The following SYNE1 variants were observed in gnomAD, a reference collection of about 807,000 sequenced individuals.
SYNE1 encodes nesprin-1.
Under a neutral mutation model 1,111.0 loss-of-function variants are expected in SYNE1, and 616 were observed. That is an observed-to-expected ratio of 0.55 (90% CI 0.52 to 0.59). SYNE1 has a LOEUF of 0.59. SYNE1 is among the 20% of genes least tolerant of loss of function. The probability of loss-of-function intolerance (pLI) is 0.00; values close to 1 mark genes in which losing one functional copy is unlikely to be tolerated. For synonymous variants in SYNE1, 3,855 were observed against 3,825.8 expected, an observed-to-expected ratio of 1.01 and a Z score of -0.28; for missense variants, 10,006 against 10,417.0, an observed-to-expected ratio of 0.96 and a Z score of 1.72.
intron 140 of SYNE1, 108 bp downstream of exon 140, chr6:152,139,842 C>A: frequency 8.3e-7 from 1 of 1,208,060 alleles, no homozygotes; most frequent in South Asian, 1.3e-5. Context: ...TGTTAGATCC[C>A]TTTTCTGCTG....
intron 128 of SYNE1, among the ~76,000 whole-genome samples, chr6:152,188,427 ACG>A: frequency 6.6e-6 from 1 of 152,234 alleles, no homozygotes; most frequent in East Asian, 1.9e-4. Context: ...TTTTTTTAAA[ACG>A]TTGTGCACAT....
intron 4 of SYNE1, among the ~76,000 whole-genome samples, chr6:152,526,550 G>T (rs934787735): frequency 2.0e-5 from 3 of 152,214 alleles, no homozygotes; most frequent in Admixed American, 1.3e-4. Flanking sequence ...AGCAGAGCAA[G>T]AGCTGCATGG....
At chr6:152,475,433 A>G (rs2098829379) in intron 14 of SYNE1, among the ~76,000 whole-genome samples, 1 of 152,238 alleles carries the variant, frequency 6.6e-6, no homozygotes, top group African/African-American at 2.4e-5. Flanking sequence ...GCCAAATTTT[A>G]TAATAAAATG....
intron 145 of SYNE1, among the ~76,000 whole-genome samples, chr6:152,123,076 T>C (rs1585330632): frequency 6.6e-6 from 1 of 152,320 alleles, no homozygotes; most frequent in African/African-American, 2.4e-5. Context: ...ATCATGAACA[T>C]TGTTAAGCAA....
chr6:152,590,955 G>A (rs1438164782), intron 3 of SYNE1, among the ~76,000 whole-genome samples: 1 of 152,140 alleles, frequency 6.6e-6, no homozygotes, highest in Non-Finnish European at 1.5e-5. Flanking sequence ...GAATAGCATT[G>A]AATCTCTCAA....
rs139592390 is a variant in SYNE1, at chr6:152,577,692, T to C, written c.68-37671A>G. 7.2e-5 allele frequency among the ~76,000 whole-genome samples: 11 copies of C among 152,090 alleles called. No homozygotes were observed. The East Asian group carries it at 2.1e-3, about 29-fold the overall frequency. ...TGAAAATGCTTCTAAACTCTGGTGA[T>C]TTTCCAGACGGGAGTTGGAGTGAAG... On this transcript the variant is annotated intron_variant, in intron 3 of 145. Transcript: ENST00000367255.
At chr6:152,582,498 T>C (rs2099523643) in intron 3 of SYNE1, among the ~76,000 whole-genome samples, 1 of 152,014 alleles carries the variant, frequency 6.6e-6, no homozygotes, top group African/African-American at 2.4e-5. Flanking sequence ...CACACACATA[T>C]ATTACATATT....
At chr6:152,226,364 A>G (rs1165198572) in intron 115 of SYNE1, among the ~76,000 whole-genome samples, 1 of 152,028 alleles carries the variant, frequency 6.6e-6, no homozygotes, top group Non-Finnish European at 1.5e-5. Context: ...AGAAATTTCT[A>G]CTGGGTCTCA....
intron 74 of SYNE1, among the ~76,000 whole-genome samples, chr6:152,341,872 T>C (rs984361263): frequency 1.3e-5 from 2 of 152,160 alleles, no homozygotes; most frequent in African/African-American, 2.4e-5. Flanking sequence ...GGACCTGCTG[T>C]ACATGGTTTT....
chr6:152,520,507 A>C lies in SYNE1; in HGVS notation c.261T>G (p.His87Gln), dbSNP rs1258203936. 1.2e-6 allele frequency: 2 copies of C among 1,613,702 alleles called. No homozygotes were observed. The highest frequency in any genetic ancestry group is 3.3e-5 in the Admixed American group (2 of 59,984). Residue 87 changes from histidine to glutamine, a missense_variant, in exon 6 of 146, where the codon CAT (histidine) becomes CAG (glutamine). Around this residue, in one of 7 missense-constraint regions of SYNE1, gnomAD observed 1,971 missense variants for 2,084.1 expected, o/e 0.95. Transcript: ENST00000367255. ...GTGCCGTGCCAATGTTAGCCACAGC[A>C]TGGATTCGCTTCATCCGGCGTCCTT... Reference protein sequence around the residue: ...CEQGRRMKRIHAVANIGTALK... With the variant: ...CEQGRRMKRIQAVANIGTALK...
intron 4 of SYNE1, among the ~76,000 whole-genome samples, chr6:152,530,811 C>T (rs984368766): frequency 2.6e-5 from 4 of 151,752 alleles, no homozygotes; most frequent in African/African-American, 9.7e-5. Context: ...TTTTAGTAGA[C>T]ACGGGGTTTC....
At chr6:152,132,615 T>C (rs534972063) in intron 143 of SYNE1, among the ~76,000 whole-genome samples, 58 of 152,352 alleles carry the variant, frequency 3.8e-4, no homozygotes, top group African/African-American at 1.4e-3. Flanking sequence ...GATAGTCATC[T>C]AGGAGTCTGC....
chr6:152,444,587 T>C lies in SYNE1; in HGVS notation c.3670-9A>G. On this transcript the variant is annotated splice_polypyrimidine_tract_variant and intron_variant, in intron 29 of 145. Transcript: ENST00000367255. ...CTTAGCATCTTTTCAACCTATATTT[T>C]CATGAAAAAAAAAAACACGTAAATC... The C allele has an allele frequency of 1.2e-6, 2 of 1,603,786 alleles. No individual in the cohort carries two copies. Among genetic ancestry groups the C allele is most frequent in the Non-Finnish European group, 1.7e-6 (2 of 1,176,886 alleles).
intron 98 of SYNE1, among the ~76,000 whole-genome samples, chr6:152,270,898 A>C (rs2093148300): frequency 1.3e-5 from 2 of 152,220 alleles, no homozygotes; most frequent in Admixed American, 6.5e-5. Context: ...ATTCAGACCC[A>C]GGGAACAGTT....
In SYNE1 at chr6:152,235,985, C is replaced by T. The variant is rs1033215611; in HGVS notation, c.20396+122G>A. 9.5e-5 allele frequency: 103 copies of T among 1,079,092 alleles called. 1 individual carries two copies. Among genetic ancestry groups the T allele is most frequent in the South Asian group, 8.7e-4 (66 of 76,172 alleles). The allele number at this position is 1,079,092 out of a possible 1,614,324, so 66.8% of individuals were successfully genotyped here. A position where few individuals can be genotyped will look rare whatever the true frequency, so the allele number is the denominator to read the frequency against. On this transcript the variant is annotated intron_variant, in intron 110 of 145. Transcript: ENST00000367255. ...CTTGAACTCCTGGCCTCAAGCAGTC[C>T]TCCCGTATTGGCCACCCAAGTAATG...
chr6:152,351,926 T>A, intron 70 of SYNE1, 101 bp downstream of exon 70: 1 of 1,083,548 alleles, frequency 9.2e-7, no homozygotes, highest in South Asian at 1.3e-5. Context: ...GCGGGATGCA[T>A]TCCAGCAGCT....
Position 152,398,552 on chromosome 6 carries a change from C to T in SYNE1, c.7350+67G>A, listed in dbSNP as rs548975536. The T allele has an allele frequency of 1.4e-5, 18 of 1,306,936 alleles. No individual in the cohort carries two copies. The African/African-American group carries it at 2.6e-4, about 19-fold the overall frequency. The allele number at this position is 1,306,936 out of a possible 1,614,324, so 81.0% of individuals were successfully genotyped here. A position where few individuals can be genotyped will look rare whatever the true frequency, so the allele number is the denominator to read the frequency against. ...AGATAAGATTTGGGAAATGAGATAA[C>T]TTAGGTCTGCCTGCAGGCACCTGAG... On this transcript the variant is annotated intron_variant, in intron 49 of 145. Transcript: ENST00000367255.
At chr6:152,286,038 G>A (rs2094308021) in intron 95 of SYNE1, among the ~76,000 whole-genome samples, 2 of 152,144 alleles carry the variant, frequency 1.3e-5, no homozygotes, top group Admixed American at 6.5e-5. Flanking sequence ...CACAGGACTG[G>A]AGGCTTCACT....
intron 82 of SYNE1, 79 bp from the exon 83 acceptor site, chr6:152,321,965 A>T: frequency 6.7e-7 from 1 of 1,498,530 alleles, no homozygotes; most frequent in South Asian, 1.1e-5. Context: ...TATCCAATAC[A>T]TATATAGAAA....
Sources: allele counts gnomAD v4.1 joint callset (sites outside exome capture counted in the v4.1 genomes callset), GRCh38; gene constraint gnomAD v4.1.1; regional missense constraint gnomAD v4.1.1; transcripts MANE v1.5; gene names NCBI Gene and HGNC (gene_info 2026-07-23, HGNC 2026-07-21).